Variants in TMEM17 observed in about 807,000 individuals in gnomAD.
TMEM17 encodes transmembrane protein 17.
TMEM17 carries 15 observed loss-of-function variants against 19.1 expected under a neutral mutation model. The ratio of observed to expected loss-of-function variants is 0.78; its 90% CI spans 0.52 to 1.21. The LOEUF is 1.21. TMEM17 is among the 50% of genes most tolerant of loss of function. The pLI is 0.00. For synonymous variants in TMEM17, 103 were observed against 86.9 expected (o/e 1.19, Z -1.03); for missense variants, 245 against 242.3 (o/e 1.01, Z -0.07).
At chr2:62,462,877 T>C in the TMEM17 span, among the ~76,000 whole-genome samples, 1 of 152,340 alleles carries the variant, frequency 6.6e-6, no homozygotes, top group South Asian at 2.1e-4. Context: ...AGCTGGTATC[T>C]GCCCTCCTGA....
intron 1 of TMEM17, among the ~76,000 whole-genome samples, chr2:62,505,410 G>A (rs974054401): frequency 6.6e-6 from 1 of 152,190 alleles, no homozygotes. Context: ...TTGAACGCCC[G>A]GCTAGTATGG....
chr2:62,470,619 G>A, the TMEM17 span, among the ~76,000 whole-genome samples: 1 of 152,232 alleles, frequency 6.6e-6, no homozygotes, highest in African/African-American at 2.4e-5. Context: ...ACTCACTGTG[G>A]CTGGCCCACC....
At chr2:62,453,718 A>C in the TMEM17 span, among the ~76,000 whole-genome samples, 1 of 152,230 alleles carries the variant, frequency 6.6e-6, no homozygotes, top group East Asian at 1.9e-4. Flanking sequence ...GGCTATTCCC[A>C]TTCCTCTGTT....
At chr2:62,483,978 C>T in the TMEM17 span, among the ~76,000 whole-genome samples, 1 of 152,146 alleles carries the variant, frequency 6.6e-6, no homozygotes, top group Admixed American at 6.6e-5. Context: ...TTCTCTATGA[C>T]TAAGTTAAAA....
At chr2:62,481,093 CTTTAA>C in the TMEM17 span, among the ~76,000 whole-genome samples, 1 of 152,016 alleles carries the variant, frequency 6.6e-6, no homozygotes, top group Non-Finnish European at 1.5e-5. Context: ...TTTGTATTCT[CTTTAA>C]TTTATTTCAT....
In TMEM17 at chr2:62,505,994, AGGCCACACCCCCTGCACCGGGCCTC is replaced by A. The variant is rs767855056; in HGVS notation, c.100+11_100+35del. 5.1e-6 allele frequency: 8 copies of A among 1,567,218 alleles called. No individual in the cohort carries two copies. The Admixed American group carries it at 1.2e-4, about 24-fold the overall frequency. On this transcript the variant is annotated intron_variant, in intron 1 of 3. Transcript: ENST00000335390. The stretch of plus-strand genomic sequence containing the variant: ...CCAAAATCCACGCCAAGCCCTCGGC[AGGCCACACCCCCTGCACCGGGCCTC>A]GGTCACTCACCCGGACCCTCATTGG...
At chr2:62,465,984 G>A in the TMEM17 span, among the ~76,000 whole-genome samples, 1 of 152,154 alleles carries the variant, frequency 6.6e-6, no homozygotes, top group Non-Finnish European at 1.5e-5. Flanking sequence ...GCCAGTTTTA[G>A]TTGGAGAAAG....
chr2:62,476,758 C>A, the TMEM17 span, among the ~76,000 whole-genome samples: 1 of 152,124 alleles, frequency 6.6e-6, no homozygotes, highest in African/African-American at 2.4e-5. Flanking sequence ...TTGTTGGATG[C>A]TTTTTGACAT....
chr2:62,493,154 A>C, the TMEM17 span, among the ~76,000 whole-genome samples: 1 of 152,004 alleles, frequency 6.6e-6, no homozygotes, highest in African/African-American at 2.4e-5. Flanking sequence ...CTCAGCCTCC[A>C]GAGTGGCTGG....
At chr2:62,463,092 C>G in the TMEM17 span, 9 of 152,264 alleles carry the variant, frequency 5.9e-5, no homozygotes, top group African/African-American at 1.9e-4. Flanking sequence ...TATGGGACAC[C>G]AGACCTTGCC....
the TMEM17 span, among the ~76,000 whole-genome samples, chr2:62,486,316 T>TGAGGGG: frequency 0.061 from 9,270 of 152,182 alleles, 399 homozygotes; most frequent in Middle Eastern, 0.088. Context: ...GATCCACCTT[T>TGAGGGG]GGAATTCCCC....
At chr2:62,494,723 G>A in the TMEM17 span, among the ~76,000 whole-genome samples, 1 of 152,166 alleles carries the variant, frequency 6.6e-6, no homozygotes, top group Middle Eastern at 3.4e-3. Context: ...TACATTTTTG[G>A]CCGGACGCAG....
chr2:62,501,222 A>G lies in TMEM17; in HGVS notation c.584T>C (p.Ile195Thr). Residue 195 changes from isoleucine to threonine, a missense_variant, in exon 4 of 4, where the codon ATA becomes ACA. Ile to Thr is a moderately conservative substitution (Grantham distance 89). Coordinates refer to ENST00000335390, the MANE Select transcript of TMEM17 (RefSeq NM_198276.3). The part of the protein sequence containing the change: ...RGDMRRMRSC[I>T]EEI ...AACAACACTGGATCAGATCTCTTCTATACATGACCTCATCCTTCTCATGTC... is the reference window on the plus strand; with the variant it reads ...AACAACACTGGATCAGATCTCTTCTGTACATGACCTCATCCTTCTCATGTC... The G allele has an allele frequency of 2.5e-6, 4 of 1,614,180 alleles. No individual in the cohort carries two copies. In the South Asian group the frequency reaches 4.4e-5, roughly 18 times the overall value.
rs931874332 is a variant in TMEM17, at chr2:62,502,437, C to G, written c.318G>C (p.Lys106Asn). ...TGAGAGAAAGGAAAAAAGAGCTTACCTTCTCCTGTAGGTTACCCACGTAGC... is the reference window on the plus strand; with the variant it reads ...TGAGAGAAAGGAAAAAAGAGCTTACGTTCTCCTGTAGGTTACCCACGTAGC... ...YLGYVGNLQE[K>N]VPELAGFWLL... The change falls in exon 3 of 4, where the codon AAG (lysine) becomes AAC (asparagine). Residue 106 changes from lysine (K) to asparagine (N), a missense_variant and splice_region_variant. Lys to Asn is a moderately conservative substitution (Grantham distance 94, BLOSUM62 0). Coordinates refer to ENST00000335390, the MANE Select transcript of TMEM17 (RefSeq NM_198276.3). 6 of 1,584,078 alleles carry G rather than the reference C, an allele frequency of 3.8e-6. No homozygotes were observed. In the Admixed American group the frequency reaches 5.1e-5, roughly 13 times the overall value.
downstream of TMEM17, among the ~76,000 whole-genome samples, chr2:62,495,587 C>A (rs1210215563): frequency 6.6e-6 from 1 of 152,186 alleles, no homozygotes; most frequent in African/African-American, 2.4e-5. Flanking sequence ...GTAGTTCAGT[C>A]TCCTGATACA....
At chr2:62,459,004 C>G in the TMEM17 span, among the ~76,000 whole-genome samples, 2 of 152,240 alleles carry the variant, frequency 1.3e-5, no homozygotes, top group Admixed American at 1.3e-4. Context: ...TGTACGACTT[C>G]ATATGGACAT....
At chr2:62,503,275 T>C (rs1679981665) in intron 1 of TMEM17, among the ~76,000 whole-genome samples, 1 of 152,222 alleles carries the variant, frequency 6.6e-6, no homozygotes, top group South Asian at 2.1e-4. Context: ...ATCTTAGCCA[T>C]TCTTTAAAGT....
At chr2:62,465,975 C>T in the TMEM17 span, among the ~76,000 whole-genome samples, 1 of 152,056 alleles carries the variant, frequency 6.6e-6, no homozygotes, top group East Asian at 1.9e-4. Context: ...AACTGGAGAG[C>T]CAGTTTTAGT....
At chr2:62,493,777 C>T in the TMEM17 span, among the ~76,000 whole-genome samples, 1 of 152,148 alleles carries the variant, frequency 6.6e-6, no homozygotes, top group Admixed American at 6.6e-5. Context: ...TATAGATAGA[C>T]CATTCATCGC....
Sources: gnomAD v4.1 joint callset for allele counts (sites outside exome capture counted in the v4.1 genomes callset) on GRCh38, gnomAD v4.1.1 for gene constraint, MANE v1.5 for transcripts, NCBI Gene and HGNC (gene_info 2026-07-23, HGNC 2026-07-21) for gene names.